The following ATG5 variants were observed in gnomAD, a reference collection of about 807,000 sequenced individuals.
ATG5 encodes autophagy related 5, also known as autophagy protein 5.
Under a neutral mutation model 36.5 loss-of-function variants are expected in ATG5, and 14 were observed. That is an observed-to-expected ratio of 0.38 (90% CI 0.25 to 0.60). The LOEUF (loss-of-function observed/expected upper bound fraction) is 0.60. Ranked by LOEUF, ATG5 falls within the 20% of genes least tolerant of loss-of-function variation. ATG5 has a pLI of 0.60. For synonymous variants in ATG5, 95 were observed against 101.5 expected (o/e 0.94, Z 0.38); for missense variants, 195 against 326.7 (o/e 0.60, Z 3.11).
chr6:106,208,358 C>A (rs1377042897), intron 6 of ATG5, among the ~76,000 whole-genome samples: 5 of 152,128 alleles, frequency 3.3e-5, no homozygotes, highest in Non-Finnish European at 5.9e-5. Flanking sequence ...CAATTTGTAA[C>A]TTAAAACATA....
intron 4 of ATG5, among the ~76,000 whole-genome samples, chr6:106,288,787 T>C (rs1172370026): frequency 6.6e-6 from 1 of 152,220 alleles, no homozygotes; most frequent in Non-Finnish European, 1.5e-5. Flanking sequence ...ATCACTATTG[T>C]AGACATTAAA....
chr6:106,237,400 T>C (rs1777944992), intron 6 of ATG5, among the ~76,000 whole-genome samples: 1 of 152,198 alleles, frequency 6.6e-6, no homozygotes, highest in African/African-American at 2.4e-5. Context: ...GCAAAAAAGA[T>C]ATTTCTTTAT....
intron 2 of ATG5, 60 bp downstream of exon 2, chr6:106,316,041 C>T: frequency 7.1e-7 from 1 of 1,410,128 alleles, no homozygotes; most frequent in South Asian, 1.3e-5. Flanking sequence ...GTTCTTACAG[C>T]TTTTTCTTAC....
At chr6:106,239,354 A>G (rs956249869) in intron 6 of ATG5, among the ~76,000 whole-genome samples, 1 of 152,208 alleles carries the variant, frequency 6.6e-6, no homozygotes, top group African/African-American at 2.4e-5. Flanking sequence ...AATAAAAAGA[A>G]ATATCATGTT....
intron 5 of ATG5, among the ~76,000 whole-genome samples, chr6:106,274,836 A>C (rs1184441115): frequency 6.6e-6 from 1 of 152,224 alleles, no homozygotes; most frequent in Non-Finnish European, 1.5e-5. Context: ...TGTAAGATGT[A>C]CCCCAACCAG....
intron 7 of ATG5, among the ~76,000 whole-genome samples, chr6:106,194,885 A>C (rs1776115405): frequency 6.6e-6 from 1 of 152,178 alleles, no homozygotes; most frequent in Non-Finnish European, 1.5e-5. Flanking sequence ...GGTAAAAATA[A>C]ATGTTCTTGA....
chr6:106,298,319 C>T (rs531797106), intron 3 of ATG5, among the ~76,000 whole-genome samples: 10 of 152,126 alleles, frequency 6.6e-5, no homozygotes, highest in Non-Finnish European at 1.3e-4. Context: ...TGGTAAATGA[C>T]GACAACTCCT....
At chr6:106,206,229 A>G (rs781234480) in intron 6 of ATG5, among the ~76,000 whole-genome samples, 1 of 140,326 alleles carries the variant, frequency 7.1e-6, no homozygotes, top group South Asian at 2.6e-4. Context: ...GGGAGCTTGT[A>G]AGGCTTTTGC....
At chr6:106,242,271 C>T (rs2114496654) in intron 6 of ATG5, among the ~76,000 whole-genome samples, 1 of 152,158 alleles carries the variant, frequency 6.6e-6, no homozygotes, top group Admixed American at 6.5e-5. Context: ...TGAGCCACCA[C>T]ACCCAGCCAA....
chr6:106,314,716 C>CTT (rs925301525), intron 2 of ATG5, among the ~76,000 whole-genome samples: 9 of 151,716 alleles, frequency 5.9e-5, no homozygotes, highest in Non-Finnish European at 1.2e-4. Context: ...ACAGCAAAAA[C>CTT]TTGTTTGGAA....
At chr6:106,276,455 C>G (rs1779655931) in intron 5 of ATG5, among the ~76,000 whole-genome samples, 1 of 136,210 alleles carries the variant, frequency 7.3e-6, no homozygotes, top group Non-Finnish European at 1.6e-5. Flanking sequence ...CAGAGCGAGA[C>G]TCTGTCTCCA....
intron 5 of ATG5, among the ~76,000 whole-genome samples, chr6:106,263,392 G>A (rs887370826): frequency 6.6e-6 from 1 of 152,222 alleles, no homozygotes. Context: ...AGCACCTGGG[G>A]GAAGGGGCGG....
At chr6:106,223,716 T>C (rs949051113) in intron 6 of ATG5, among the ~76,000 whole-genome samples, 1 of 152,360 alleles carries the variant, frequency 6.6e-6, no homozygotes, top group East Asian at 1.9e-4. Flanking sequence ...AATTAATAGT[T>C]TACTGCTTAC....
chr6:106,254,903 G>A (rs1188010794), intron 5 of ATG5, among the ~76,000 whole-genome samples: 2 of 152,214 alleles, frequency 1.3e-5, no homozygotes, highest in African/African-American at 2.4e-5. Context: ...TTGGAGTTAT[G>A]CAATTGAGCA....
chr6:106,321,753 A>G (rs1429818509), intron 1 of ATG5, among the ~76,000 whole-genome samples: 1 of 152,148 alleles, frequency 6.6e-6, no homozygotes, highest in Non-Finnish European at 1.5e-5. Flanking sequence ...AATAGCATGC[A>G]CTATCATGCA....
intron 5 of ATG5, among the ~76,000 whole-genome samples, 173 bp from the exon 6 acceptor site, chr6:106,248,417 T>C (rs1314224324): frequency 2.0e-5 from 3 of 152,218 alleles, no homozygotes; most frequent in Non-Finnish European, 4.4e-5. Flanking sequence ...AAATATAAAA[T>C]TAATTTTTTT....
intron 6 of ATG5, among the ~76,000 whole-genome samples, chr6:106,232,224 T>A (rs1777721606): frequency 2.0e-5 from 3 of 152,088 alleles, no homozygotes; most frequent in Admixed American, 2.0e-4. Context: ...TGTGGCCTTC[T>A]CAGTCTTATT....
chr6:106,280,438 T>G (rs1779835795), intron 4 of ATG5, among the ~76,000 whole-genome samples: 1 of 152,090 alleles, frequency 6.6e-6, no homozygotes, highest in African/African-American at 2.4e-5. Flanking sequence ...TGGCATAAAC[T>G]TATTCACTTT....
At position 106,186,400 on chromosome 6, in the gene ATG5, G is replaced by A; in HGVS notation, c.*140C>T. 2 of 1,004,168 alleles carry A rather than the reference G, an allele frequency of 2.0e-6. No individual in the cohort carries two copies. The highest frequency in any genetic ancestry group is 2.9e-6 in the Non-Finnish European group (2 of 685,294). 62.2% of individuals were successfully genotyped at this position (1,004,168 alleles called of 1,614,324 possible). On this transcript the variant is annotated 3_prime_UTR_variant, in exon 8 of 8. Transcript: ENST00000369076. The stretch of plus-strand genomic sequence containing the variant: ...CAGCCCAGTTGCCTTATCTGACATG[G>A]AATCTTTTTCCTGTCTGGCTTGCAG...
Sources: allele counts gnomAD v4.1 joint callset (sites outside exome capture counted in the v4.1 genomes callset), GRCh38; gene constraint gnomAD v4.1.1; transcripts MANE v1.5; gene names NCBI Gene and HGNC (gene_info 2026-07-23, HGNC 2026-07-21).